The following GIGYF2 variants were observed in gnomAD, a reference collection of about 807,000 sequenced individuals.
GIGYF2 encodes GRB10-interacting GYF protein 2.
Under a neutral mutation model 208.1 loss-of-function variants are expected in GIGYF2, and 25 were observed. The ratio of observed to expected loss-of-function variants is 0.12; its 90% CI spans 0.09 to 0.17. The LOEUF (loss-of-function observed/expected upper bound fraction) is 0.17, where lower values mean the gene tolerates loss of function less well. Among genes scored for constraint, GIGYF2 ranks in the 10% least tolerant of loss-of-function variants. The pLI is 1.00. For synonymous variants in GIGYF2, 534 were observed against 543.8 expected, an observed-to-expected ratio of 0.98 and a Z score of 0.25; for missense variants, 1,302 against 1,579.4, an observed-to-expected ratio of 0.82 and a Z score of 2.98.
intron 8 of GIGYF2, chr2:232,765,962 A>G (rs994584652): frequency 8.6e-6 from 4 of 464,220 alleles, no homozygotes; most frequent in Non-Finnish European, 1.8e-5. Flanking sequence ...TTCATGACCA[A>G]GCTCCCAGAT....
At chr2:232,731,150 T>A (rs1697475546) in intron 2 of GIGYF2, 1 of 152,224 alleles carries the variant, frequency 6.6e-6, no homozygotes, top group South Asian at 2.1e-4. Context: ...GCTTCGTTTA[T>A]ATTTCAAGAC....
intron 5 of GIGYF2, among the ~76,000 whole-genome samples, chr2:232,754,675 A>G (rs1050109117): frequency 1.3e-5 from 2 of 152,162 alleles, no homozygotes; most frequent in Non-Finnish European, 2.9e-5. Context: ...ATACCCAGAG[A>G]CATTATTTAG....
rs1187574332 is a variant in GIGYF2 at position 232,768,543 on chromosome 2, T to A, written c.532+7107T>A. 5 of 1,614,142 alleles carry A rather than the reference T, an allele frequency of 3.1e-6. No homozygotes were observed. In the Admixed American group the frequency reaches 8.3e-5, roughly 27 times the overall value. Reference sequence around the variant, plus strand: ...AGGACTTGATGGTGTAATGGAGTGATAGTACGTTAGTGGAAAGATGAAGAA... The same window carrying A: ...AGGACTTGATGGTGTAATGGAGTGAAAGTACGTTAGTGGAAAGATGAAGAA... On this transcript the variant is annotated intron_variant, in intron 8 of 28. Transcript: ENST00000373563.
intron 21 of GIGYF2, among the ~76,000 whole-genome samples, chr2:232,826,805 C>A (rs1473594640): frequency 6.6e-6 from 1 of 152,152 alleles, no homozygotes; most frequent in African/African-American, 2.4e-5. Flanking sequence ...ATAAATCTTT[C>A]ATAGAAAGTA....
intron 7 of GIGYF2, among the ~76,000 whole-genome samples, chr2:232,760,915 G>T (rs2106325963): frequency 6.6e-6 from 1 of 151,848 alleles, no homozygotes; most frequent in East Asian, 1.9e-4. Flanking sequence ...GGCTTTATAT[G>T]AAGTCTGTCA....
chr2:232,820,054 GA>G, intron 21 of GIGYF2, 69 bp downstream of exon 21: 1 of 1,577,898 alleles, frequency 6.3e-7, no homozygotes, highest in South Asian at 1.1e-5. Context: ...AAAATATTAG[GA>G]CATTAAGGTA....
At chr2:232,743,042 G>A (rs988484270) in intron 3 of GIGYF2, among the ~76,000 whole-genome samples, 19 of 152,142 alleles carry the variant, frequency 1.2e-4, no homozygotes, top group Non-Finnish European at 1.8e-4. Context: ...GCTTTCATAA[G>A]CTGAAGTTTG....
At chr2:232,737,874 T>C (rs897772640) in intron 3 of GIGYF2, among the ~76,000 whole-genome samples, 19 of 151,500 alleles carry the variant, frequency 1.3e-4, no homozygotes, top group Non-Finnish European at 5.9e-5. Flanking sequence ...AAAATTTTGG[T>C]AGGAACAGAC....
intron 21 of GIGYF2, among the ~76,000 whole-genome samples, chr2:232,824,691 C>A (rs955415927): frequency 1.3e-5 from 2 of 152,182 alleles, no homozygotes; most frequent in African/African-American, 4.8e-5. Flanking sequence ...TATCCAGATG[C>A]CCTACTTAAG....
In GIGYF2 at chr2:232,768,614, G is replaced by A. The variant is rs1699078947; in HGVS notation, c.532+7178G>A. 1.9e-6 allele frequency: 3 copies of A among 1,614,104 alleles called. No individual in the cohort carries two copies. The highest frequency in any genetic ancestry group is 4.5e-5 in the East Asian group (2 of 44,874). On this transcript the variant is annotated intron_variant, in intron 8 of 28. Transcript: ENST00000373563. ...TGCCATCAAGGTGGAAATCCACACTGGTCTGGTAGAGTTTGCCATTTTCTC... is the reference window on the plus strand; with the variant it reads ...TGCCATCAAGGTGGAAATCCACACTAGTCTGGTAGAGTTTGCCATTTTCTC...
chr2:232,729,872 C>T (rs1321421119), intron 2 of GIGYF2: 2 of 738,108 alleles, frequency 2.7e-6, no homozygotes, highest in Non-Finnish European at 5.0e-6. Context: ...TCACTTTTCT[C>T]CTCCCATCAG....
intron 18 of GIGYF2, among the ~76,000 whole-genome samples, chr2:232,814,565 A>AC (rs35081043): frequency 0.35 from 26,257 of 75,902 alleles, 5,636 homozygotes; most frequent in East Asian, 0.49. Flanking sequence ...TCCACCTCAA[A>AC]CCCCCCCCCC....
At chr2:232,792,152 A>G (rs1301042406) in intron 12 of GIGYF2, among the ~76,000 whole-genome samples, 2 of 151,896 alleles carry the variant, frequency 1.3e-5, no homozygotes, top group East Asian at 1.9e-4. Context: ...CTCACGTTCT[A>G]CTTACCAGCC....
intron 2 of GIGYF2, among the ~76,000 whole-genome samples, chr2:232,731,711 C>T (rs533749747): frequency 6.6e-6 from 1 of 152,252 alleles, no homozygotes; most frequent in Admixed American, 6.5e-5. Context: ...CTGATCATTG[C>T]TACCTTGACA....
At chr2:232,777,218 G>T (rs55800588) in intron 8 of GIGYF2, among the ~76,000 whole-genome samples, 2 of 152,008 alleles carry the variant, frequency 1.3e-5, no homozygotes, top group African/African-American at 2.4e-5. Context: ...AAGAACCGAA[G>T]AATTTTCTTA....
intron 5 of GIGYF2, among the ~76,000 whole-genome samples, chr2:232,751,132 C>T (rs1024774892): frequency 1.3e-5 from 2 of 151,918 alleles, no homozygotes; most frequent in African/African-American, 4.8e-5. Flanking sequence ...TGGTCTGGCT[C>T]CTCATATTTT....
At chr2:232,846,093 G>A (rs900158128) in intron 26 of GIGYF2, among the ~76,000 whole-genome samples, 5 of 152,176 alleles carry the variant, frequency 3.3e-5, no homozygotes, top group African/African-American at 1.2e-4. Context: ...ATTGGTGGTT[G>A]TCAAAAAGTA....
intron 26 of GIGYF2, 149 bp from the exon 27 acceptor site, chr2:232,847,199 T>C (rs1702034255): frequency 1.2e-5 from 9 of 763,892 alleles, no homozygotes; most frequent in Non-Finnish European, 1.8e-5. Context: ...GATAAAAGAA[T>C]ATTTAAACAC....
At chr2:232,803,014 C>T (rs1377438424) in intron 14 of GIGYF2, among the ~76,000 whole-genome samples, 2 of 152,074 alleles carry the variant, frequency 1.3e-5, no homozygotes, top group East Asian at 1.9e-4. Context: ...GTTCTCCTGC[C>T]TCAGCCTCCT....
Sources: gnomAD v4.1 joint callset for allele counts (sites outside exome capture counted in the v4.1 genomes callset) on GRCh38, gnomAD v4.1.1 for gene constraint, MANE v1.5 for transcripts, NCBI Gene and HGNC (gene_info 2026-07-23, HGNC 2026-07-21) for gene names.